Variants in HDAC9 observed in about 807,000 individuals in gnomAD.
HDAC9 encodes the protein histone deacetylase 9.
Under a neutral mutation model 139.4 loss-of-function variants are expected in HDAC9, and 41 were observed. That is an observed-to-expected ratio of 0.29 (90% CI 0.23 to 0.38). The LOEUF (loss-of-function observed/expected upper bound fraction) is 0.38. Ranked by LOEUF, HDAC9 falls within the 10% of genes least tolerant of loss-of-function variation. The pLI, the probability that HDAC9 is intolerant of heterozygous loss-of-function variation, is 1.00. For synonymous variants in HDAC9, 517 were observed against 476.2 expected (o/e 1.09, Z -1.12); for missense variants, 1,147 against 1,297.0 (o/e 0.88, Z 1.78).
chr7:18,398,415 T>C (rs962588110), intron 1 of HDAC9, among the ~76,000 whole-genome samples: 5 of 152,342 alleles, frequency 3.3e-5, no homozygotes, highest in East Asian at 1.9e-4. Context: ...GGAAACCCTT[T>C]TACTTCAAAT....
chr7:18,858,593 T>C (rs1389398468), intron 21 of HDAC9, among the ~76,000 whole-genome samples: 2 of 152,210 alleles, frequency 1.3e-5, no homozygotes, highest in African/African-American at 4.8e-5. Flanking sequence ...AATCAGCTTA[T>C]GTTAACATTT....
At chr7:18,742,256 T>C (rs1231607159) in intron 13 of HDAC9, among the ~76,000 whole-genome samples, 2 of 152,214 alleles carry the variant, frequency 1.3e-5, no homozygotes, top group Non-Finnish European at 2.9e-5. Context: ...CATTGTTATC[T>C]TGTTTGAAGA....
At chr7:18,729,467 G>A (rs1001018041) in intron 13 of HDAC9, among the ~76,000 whole-genome samples, 3 of 152,050 alleles carry the variant, frequency 2.0e-5, no homozygotes, top group Non-Finnish European at 2.9e-5. Context: ...GTGTCTTCTA[G>A]TTTTCATATG....
At chr7:18,898,216 GAC>G (rs779570841) in intron 22 of HDAC9, among the ~76,000 whole-genome samples, 1 of 151,742 alleles carries the variant, frequency 6.6e-6, no homozygotes, top group East Asian at 1.9e-4. Context: ...TATTAAGACA[GAC>G]ACATACACAA....
chr7:18,799,756 C>T (rs13231304), intron 17 of HDAC9, among the ~76,000 whole-genome samples: 4 of 151,998 alleles, frequency 2.6e-5, no homozygotes, highest in African/African-American at 9.7e-5. Context: ...GAAAAATGAA[C>T]AGAGTTTCAA....
At chr7:18,247,635 A>G (rs1322765894) in intron 2 of HDAC9, among the ~76,000 whole-genome samples, 2 of 152,206 alleles carry the variant, frequency 1.3e-5, no homozygotes, top group African/African-American at 2.4e-5. Flanking sequence ...TCGGTGCCTC[A>G]CCTTCACTAG....
In HDAC9 at chr7:18,701,411, ACAAAC is replaced by A. The variant is rs796104578; in HGVS notation, c.1732-26168_1732-26164del. Among the ~76,000 whole-genome samples the A allele has an allele frequency of 3.9e-4, 52 of 134,912 alleles. 1 individual carries two copies. The highest frequency in any genetic ancestry group is 4.8e-4 in the Non-Finnish European group (32 of 66,530). 88.5% of individuals were successfully genotyped at this position (134,912 alleles called of 152,430 possible). ...GGCGTCTGATTTAAAAAAAAACAAA[ACAAAC>A]AAAAAAAAAAAACACAACTGTACTA... On this transcript the variant is annotated intron_variant, in intron 12 of 25. Coordinates refer to ENST00000686413, the MANE Select transcript of HDAC9 (RefSeq NM_178425.4).
chr7:18,253,150 C>T (rs1440907800), intron 2 of HDAC9, among the ~76,000 whole-genome samples: 3 of 152,176 alleles, frequency 2.0e-5, no homozygotes, highest in Non-Finnish European at 2.9e-5. Context: ...ATCCAGTCTA[C>T]TGTTGATGAG....
At chr7:18,486,848 T>C (rs2128131902) in intron 1 of HDAC9, among the ~76,000 whole-genome samples, 1 of 152,174 alleles carries the variant, frequency 6.6e-6, no homozygotes, top group East Asian at 1.9e-4. Flanking sequence ...ATGGTCAAAA[T>C]TGTGTGCCTG....
chr7:18,601,329 A>G (rs914422811), intron 6 of HDAC9, among the ~76,000 whole-genome samples: 6 of 152,224 alleles, frequency 3.9e-5, no homozygotes, highest in Non-Finnish European at 7.3e-5. Flanking sequence ...TATCTTGCCA[A>G]TTGGTATAAC....
At chr7:18,149,852 C>A (rs1786638058) in intron 1 of HDAC9, among the ~76,000 whole-genome samples, 1 of 152,040 alleles carries the variant, frequency 6.6e-6, no homozygotes, top group South Asian at 2.1e-4. Context: ...CTGCGCCCAG[C>A]CCAGTTTTTC....
intron 14 of HDAC9, among the ~76,000 whole-genome samples, chr7:18,752,615 T>C (rs565546687): frequency 1.9e-3 from 290 of 152,194 alleles, no homozygotes; most frequent in African/African-American, 6.7e-3. Context: ...ATGTCTTAGG[T>C]TATCATTCTC....
intron 23 of HDAC9, among the ~76,000 whole-genome samples, chr7:18,938,778 A>G: frequency 6.6e-6 from 1 of 152,216 alleles, no homozygotes. Context: ...TTAATAATCT[A>G]CTGCATATTG....
At chr7:18,672,939 G>A (rs1457983760) in intron 12 of HDAC9, among the ~76,000 whole-genome samples, 1 of 151,922 alleles carries the variant, frequency 6.6e-6, no homozygotes, top group Non-Finnish European at 1.5e-5. Context: ...GCTGACCCTT[G>A]TTGCTTTCTA....
At chr7:18,251,999 T>G (rs1794944134) in intron 2 of HDAC9, among the ~76,000 whole-genome samples, 1 of 152,146 alleles carries the variant, frequency 6.6e-6, no homozygotes, top group Non-Finnish European at 1.5e-5. Context: ...ATTTTTCACT[T>G]CTATCACTAT....
chr7:18,878,269 G>C (rs965248733), intron 22 of HDAC9, among the ~76,000 whole-genome samples: 9 of 151,732 alleles, frequency 5.9e-5, no homozygotes, highest in African/African-American at 2.2e-4. Flanking sequence ...ACACATACAT[G>C]CGTTCACTGC....
chr7:18,969,035 G>A (rs534238857), intron 24 of HDAC9, among the ~76,000 whole-genome samples: 61 of 147,336 alleles, frequency 4.1e-4, no homozygotes, highest in African/African-American at 1.5e-3. Flanking sequence ...AATTTGTGAG[G>A]CAAAATATTG....
intron 22 of HDAC9, among the ~76,000 whole-genome samples, chr7:18,928,932 T>C (rs1488596325): frequency 6.6e-6 from 1 of 152,052 alleles, no homozygotes; most frequent in Non-Finnish European, 1.5e-5. Context: ...ATCTTCCAAA[T>C]TTCTTACAAC....
chr7:18,714,627 C>A (rs1396976653), intron 12 of HDAC9, among the ~76,000 whole-genome samples: 1 of 152,148 alleles, frequency 6.6e-6, no homozygotes, highest in Admixed American at 6.6e-5. Context: ...ATGGAACATT[C>A]TTCTTTCTTT....
Sources: allele counts gnomAD v4.1 joint callset (sites outside exome capture counted in the v4.1 genomes callset), GRCh38; gene constraint gnomAD v4.1.1; transcripts MANE v1.5; gene names NCBI Gene and HGNC (gene_info 2026-07-23, HGNC 2026-07-21).